The following SLC4A8 variants were observed in gnomAD, a reference collection of about 807,000 sequenced individuals.
SLC4A8 encodes the protein solute carrier family 4 member 8, also known as electroneutral sodium bicarbonate exchanger 1.
In SLC4A8, 40 loss-of-function variants were observed where a neutral mutation model predicts 125.0. That is an observed-to-expected ratio of 0.32 (90% CI 0.25 to 0.42). The LOEUF is 0.42. SLC4A8 is among the 10% of genes least tolerant of loss of function. SLC4A8 has a pLI of 1.00. For missense variants in SLC4A8, 863 were observed against 1,355.1 expected (o/e 0.64, Z 5.70); for synonymous variants, 456 against 476.0 (o/e 0.96, Z 0.55).
At chr12:51,480,756 C>A in intron 16 of SLC4A8, 1 of 368,868 alleles carries the variant, frequency 2.7e-6, no homozygotes, top group Non-Finnish European at 3.7e-6. Flanking sequence ...AATGACATTT[C>A]ACATCAATGT....
chr12:51,433,884 G>GTTTTTTTTTTTTTTTTTT (rs1565772495), intron 1 of SLC4A8, among the ~76,000 whole-genome samples: 2 of 72,200 alleles, frequency 2.8e-5, no homozygotes, highest in African/African-American at 5.5e-5. Context: ...TTTTTGGTTG[G>GTTTTTTTTTTTTTTTTTT]TTTTTTTTTG....
chr12:51,394,386 G>A (rs755552864), intron 1 of SLC4A8, among the ~76,000 whole-genome samples: 10 of 152,226 alleles, frequency 6.6e-5, no homozygotes, highest in Non-Finnish European at 1.0e-4. Flanking sequence ...CCCCTAATGT[G>A]TCATGCACTG....
Position 51,429,169 on chromosome 12 carries a change from C to T in SLC4A8, c.48+4134C>T, listed in dbSNP as rs866327189. Among the ~76,000 whole-genome samples, 28 of 152,292 alleles carry T rather than the reference C, an allele frequency of 1.8e-4. No homozygotes were observed. The Middle Eastern group carries it at 0.01, about 56-fold the overall frequency. The stretch of plus-strand genomic sequence containing the variant: ...TCAGGTGATCCACCTGCCTCGGCCT[C>T]CCAAAGTGCTGGGATTACAGGCATG... On this transcript the variant is annotated intron_variant, in intron 1 of 24. Coordinates refer to ENST00000453097, the MANE Select transcript of SLC4A8 (RefSeq NM_001039960.3).
intron 22 of SLC4A8, among the ~76,000 whole-genome samples, chr12:51,498,466 AAAG>A (rs1317226812): frequency 2.6e-5 from 4 of 152,084 alleles, no homozygotes; most frequent in Non-Finnish European, 5.9e-5. Flanking sequence ...AAAAAATAAA[AAAG>A]AAATGAAAAT....
At chr12:51,447,120 G>A (rs1273199342) in intron 2 of SLC4A8, among the ~76,000 whole-genome samples, 1 of 141,728 alleles carries the variant, frequency 7.1e-6, no homozygotes, top group African/African-American at 2.7e-5. Flanking sequence ...TGTCACCCAG[G>A]CTGGAGTGCG....
intron 24 of SLC4A8, among the ~76,000 whole-genome samples, chr12:51,506,268 C>T (rs919531243): frequency 5.3e-5 from 8 of 152,134 alleles, no homozygotes; most frequent in African/African-American, 1.9e-4. Context: ...TTACTGCAAC[C>T]ACACAAAGTA....
chr12:51,487,121 G>A (rs1318041883), intron 17 of SLC4A8, among the ~76,000 whole-genome samples: 5 of 152,156 alleles, frequency 3.3e-5, no homozygotes, highest in South Asian at 4.1e-4. Flanking sequence ...TGTGAAGAAC[G>A]CCTCTGGGAG....
chr12:51,403,567 A>G (rs1948433392), intron 1 of SLC4A8, among the ~76,000 whole-genome samples: 1 of 152,146 alleles, frequency 6.6e-6, no homozygotes, highest in South Asian at 2.1e-4. Context: ...TCTTGTGTCA[A>G]CTCCCAAAGA....
intron 1 of SLC4A8, among the ~76,000 whole-genome samples, chr12:51,394,394 C>T (rs891964181): frequency 2.6e-5 from 4 of 152,244 alleles, no homozygotes; most frequent in Non-Finnish European, 5.9e-5. Context: ...GTGTCATGCA[C>T]TGAGCTGTTC....
intron 1 of SLC4A8, among the ~76,000 whole-genome samples, chr12:51,439,097 C>G (rs979776549): frequency 6.6e-6 from 1 of 152,084 alleles, no homozygotes; most frequent in Non-Finnish European, 1.5e-5. Context: ...CGCTCTGTTG[C>G]CCATGCTGGA....
chr12:51,436,472 T>G (rs1949417223), intron 1 of SLC4A8, among the ~76,000 whole-genome samples: 1 of 152,194 alleles, frequency 6.6e-6, no homozygotes, highest in African/African-American at 2.4e-5. Context: ...AATTTTACAT[T>G]ATGTAAATTA....
chr12:51,420,080 C>G (rs1239133286), upstream of SLC4A8: 1 of 152,194 alleles, frequency 6.6e-6, no homozygotes, highest in Non-Finnish European at 1.5e-5. Flanking sequence ...CAAAGAATCT[C>G]TCTCACTCCC....
In SLC4A8 at chr12:51,488,721, G is replaced by A; in HGVS notation, c.2309G>A (p.Trp770Ter). 2 of 1,613,680 alleles carry A rather than the reference G, an allele frequency of 1.2e-6. No homozygotes were observed. Among genetic ancestry groups the A allele is most frequent in the Non-Finnish European group, 1.7e-6 (2 of 1,179,788 alleles). Residue 770 changes from tryptophan (W) to a stop codon, truncating the protein, a stop_gained, in exon 18 of 25, where the codon TGG becomes TAG. Transcript: ENST00000453097. LOFTEE classifies it high-confidence loss of function. ...VFKPTRDDRG[W>*]IINPIGPNPW... Reference sequence around the variant, plus strand: ...TAGCCAACAAGGGATGATCGCGGATGGATTATTAATCCCATTGGCCCCAAT... The same window carrying A: ...TAGCCAACAAGGGATGATCGCGGATAGATTATTAATCCCATTGGCCCCAAT...
chr12:51,475,059 G>A lies in SLC4A8; in HGVS notation c.2025G>A (p.Met675Ile), dbSNP rs1353993347. 1 of 1,613,872 alleles carries A rather than the reference G, an allele frequency of 6.2e-7. No homozygotes were observed. Among genetic ancestry groups the A allele is most frequent in the East Asian group, 2.2e-5 (1 of 44,870 alleles). ...ANLTVSECQE[M>I]HGEFMGSACG... is the part of the protein sequence containing the mutation. Reference sequence around the variant, plus strand: ...TATTCCTCCAGGAATGCCAGGAGATGCATGGAGAGTTCATGGGATCTGCGT... The same window carrying A: ...TATTCCTCCAGGAATGCCAGGAGATACATGGAGAGTTCATGGGATCTGCGT... The change falls in exon 16 of 25, where the codon ATG (methionine) becomes ATA (isoleucine). Residue 675 changes from methionine to isoleucine, a missense_variant. By Grantham distance (10) the Met-to-Ile change is conservative (BLOSUM62 1). Around this residue, in one of 6 missense-constraint regions of SLC4A8, gnomAD observed 197 missense variants for 377.7 expected, o/e 0.52. Transcript: ENST00000453097.
In SLC4A8 at chr12:51,470,505, G is replaced by A; in HGVS notation, c.1638G>A (p.Lys546=). Residue 546 remains lysine (K), a synonymous_variant, in exon 13 of 25, where the codon AAG becomes AAA. Transcript: ENST00000453097. ...CTGGACCAGTGCTTGTGTTTGAAAAGATTTTGTTCAAATTCTGCAAGTAAG... is the reference window on the plus strand; with the variant it reads ...CTGGACCAGTGCTTGTGTTTGAAAAAATTTTGTTCAAATTCTGCAAGTAAG... The part of the protein sequence containing the change: ...GSTGPVLVFE[K]ILFKFCKDYA... The A allele has an allele frequency of 6.2e-7, 1 of 1,613,570 alleles. No individual in the cohort carries two copies. The highest frequency in any genetic ancestry group is 8.5e-7 in the Non-Finnish European group (1 of 1,179,650).
intron 1 of SLC4A8, among the ~76,000 whole-genome samples, chr12:51,393,905 A>C (rs1054127252): frequency 6.6e-6 from 1 of 152,112 alleles, no homozygotes; most frequent in Non-Finnish European, 1.5e-5. Flanking sequence ...TATTCTTGTC[A>C]TGTGCCTTAC....
chr12:51,441,016 G>A (rs1949577080), intron 2 of SLC4A8: 2 of 1,154,450 alleles, frequency 1.7e-6, no homozygotes, highest in Admixed American at 8.6e-5. Flanking sequence ...ATGGGAGATA[G>A]TGCTTTGAAC....
rs538858449 is a variant in SLC4A8 at position 51,479,170 on chromosome 12, A to G, written c.2172+3964A>G. Among the ~76,000 whole-genome samples, 8 of 152,286 alleles carry G rather than the reference A, an allele frequency of 5.3e-5. No homozygotes were observed. The East Asian group carries it at 1.5e-3, about 29-fold the overall frequency. ...AGTAATACTCTACTAAAGTGTGCCTATTGGTATTACCTTCTAATGTTGAGT... is the reference window on the plus strand; with the variant it reads ...AGTAATACTCTACTAAAGTGTGCCTGTTGGTATTACCTTCTAATGTTGAGT... On this transcript the variant is annotated intron_variant, in intron 16 of 24. Coordinates refer to ENST00000453097, the MANE Select transcript of SLC4A8 (RefSeq NM_001039960.3).
At chr12:51,503,040 C>T (rs11169861) in intron 22 of SLC4A8, among the ~76,000 whole-genome samples, 9,837 of 150,542 alleles carry the variant, frequency 0.065, 442 homozygotes, top group East Asian at 0.21. Flanking sequence ...ACGGGGGTTT[C>T]ACCGTGTTAG....
Sources: allele counts gnomAD v4.1 joint callset (sites outside exome capture counted in the v4.1 genomes callset), GRCh38; gene constraint gnomAD v4.1.1; regional missense constraint gnomAD v4.1.1; transcripts MANE v1.5; gene names NCBI Gene and HGNC (gene_info 2026-07-23, HGNC 2026-07-21).